The following ASIC2 variants were observed in gnomAD, a reference collection of about 807,000 sequenced individuals.
The protein encoded by ASIC2 is acid-sensing ion channel 2.
A neutral mutation model predicts 57.3 loss-of-function variants in ASIC2; 25 were observed. The observed-to-expected ratio is 0.44, with a 90% CI of 0.32 to 0.61. The LOEUF (loss-of-function observed/expected upper bound fraction) is 0.61. Among genes scored for constraint, ASIC2 ranks in the 20% least tolerant of loss-of-function variants. ASIC2 has a pLI of 0.06. For synonymous variants in ASIC2, 319 were observed against 307.5 expected (o/e 1.04, Z -0.39); for missense variants, 641 against 738.1 (o/e 0.87, Z 1.52).
chr17:33,913,823 C>T lies in ASIC2; in HGVS notation c.555+242155G>A, dbSNP rs78055319. On this transcript the variant is annotated intron_variant, in intron 1 of 9. Coordinates refer to the ASIC2 transcript ENST00000359872. ...TGTTGTAATTGTTGACGATACTTTT[C>T]GTATTTATTGAGCACCTACAATGTG... is the stretch of plus-strand genomic sequence containing the variant. 3.7e-3 allele frequency among the ~76,000 whole-genome samples: 567 copies of T among 152,290 alleles called. 4 individuals carry two copies. The highest frequency in any genetic ancestry group is 0.013 in the African/African-American group (538 of 41,552).
At chr17:33,052,057 A>C (rs1273604824) in intron 3 of ASIC2, 1 of 152,206 alleles carries the variant, frequency 6.6e-6, no homozygotes, top group African/African-American at 2.4e-5. Context: ...GGAGCCACTG[A>C]CTGCTAGAAA....
intron 1 of ASIC2, among the ~76,000 whole-genome samples, chr17:33,855,260 C>G (rs1018346524): frequency 2.0e-5 from 3 of 152,162 alleles, no homozygotes; most frequent in South Asian, 4.1e-4. Context: ...ACTGGAGACC[C>G]TGCTCTGCCC....
intron 1 of ASIC2, among the ~76,000 whole-genome samples, chr17:33,345,153 A>T (rs1316809564): frequency 6.6e-6 from 1 of 152,222 alleles, no homozygotes; most frequent in Non-Finnish European, 1.5e-5. Context: ...ATTCAAATGC[A>T]GTAAGGGGCT....
chr17:33,862,096 A>G (rs982035201), intron 1 of ASIC2, among the ~76,000 whole-genome samples: 2 of 152,208 alleles, frequency 1.3e-5, no homozygotes, highest in African/African-American at 2.4e-5. Context: ...TTCACCCAGT[A>G]TACTGTTCCT....
At chr17:34,125,614 G>A (rs541421128) in intron 1 of ASIC2, among the ~76,000 whole-genome samples, 3 of 152,226 alleles carry the variant, frequency 2.0e-5, no homozygotes, top group Non-Finnish European at 4.4e-5. Flanking sequence ...TCTCTGGGCT[G>A]GAGCACTTCA....
intron 1 of ASIC2, among the ~76,000 whole-genome samples, chr17:33,156,107 T>C (rs1904994112): frequency 6.6e-6 from 1 of 151,320 alleles, no homozygotes; most frequent in African/African-American, 2.4e-5. Flanking sequence ...CAAACTTAGA[T>C]ACACATCAAA....
At chr17:33,840,176 A>T (rs2141907410) in intron 1 of ASIC2, among the ~76,000 whole-genome samples, 1 of 152,346 alleles carries the variant, frequency 6.6e-6, no homozygotes, top group South Asian at 2.1e-4. Context: ...TAGAAATATT[A>T]AAATAAATAT....
chr17:33,935,485 C>G (rs562313234), intron 1 of ASIC2: 3 of 152,254 alleles, frequency 2.0e-5, no homozygotes, highest in African/African-American at 7.2e-5. Flanking sequence ...ATACAACCAG[C>G]AATAGCAATG....
chr17:33,343,866 A>G (rs1168180834), intron 1 of ASIC2, among the ~76,000 whole-genome samples: 1 of 152,212 alleles, frequency 6.6e-6, no homozygotes, highest in Non-Finnish European at 1.5e-5. Flanking sequence ...GAATCCCCAC[A>G]GAAGCCCCTG....
intron 1 of ASIC2, among the ~76,000 whole-genome samples, chr17:33,464,538 TTC>T (rs370895468): frequency 0.26 from 10,347 of 40,022 alleles, 424 homozygotes; most frequent in Middle Eastern, 0.3. Context: ...CTTTCTTTCT[TTC>T]TCTTTCTTTC....
At chr17:33,169,042 G>C (rs967346186) in intron 1 of ASIC2, among the ~76,000 whole-genome samples, 4 of 152,174 alleles carry the variant, frequency 2.6e-5, no homozygotes, top group Non-Finnish European at 4.4e-5. Flanking sequence ...ATGGTTTCAG[G>C]GGATGGGCCA....
At chr17:34,011,275 C>T (rs1906747907) in intron 1 of ASIC2, among the ~76,000 whole-genome samples, 1 of 152,106 alleles carries the variant, frequency 6.6e-6, no homozygotes, top group African/African-American at 2.4e-5. Flanking sequence ...ATACCTTGGC[C>T]CTTTCTGTTT....
chr17:33,726,305 T>G (rs1199038829), intron 1 of ASIC2, among the ~76,000 whole-genome samples: 1 of 152,100 alleles, frequency 6.6e-6, no homozygotes, highest in Non-Finnish European at 1.5e-5. Context: ...CACACCTGTA[T>G]GAGAGATTGG....
intron 1 of ASIC2, among the ~76,000 whole-genome samples, chr17:33,618,347 C>A (rs9916263): frequency 1.3e-5 from 2 of 151,884 alleles, no homozygotes; most frequent in African/African-American, 4.8e-5. Flanking sequence ...AGCCACCACA[C>A]GTGGCTCAAT....
At chr17:34,042,029 G>A (rs541994721) in intron 1 of ASIC2, among the ~76,000 whole-genome samples, 4 of 152,282 alleles carry the variant, frequency 2.6e-5, no homozygotes, top group East Asian at 1.9e-4. Flanking sequence ...AAACTCACAC[G>A]AAGATTCCAC....
chr17:33,797,822 C>A (rs1427827615), intron 1 of ASIC2, among the ~76,000 whole-genome samples: 3 of 152,170 alleles, frequency 2.0e-5, no homozygotes, highest in African/African-American at 7.2e-5. Context: ...GTGCTTGCAG[C>A]AGGGAAGGAG....
In ASIC2 at chr17:33,668,287, T is replaced by C. The variant is rs867435773; in HGVS notation, c.555+487691A>G. 1.2e-3 allele frequency among the ~76,000 whole-genome samples: 152 copies of C among 127,152 alleles called. 1 individual carries two copies. Among genetic ancestry groups the C allele is most frequent in the East Asian group, 2.4e-3 (9 of 3,730 alleles). 83.4% of individuals were successfully genotyped at this position (127,152 alleles called of 152,430 possible). On this transcript the variant is annotated intron_variant, in intron 1 of 9. Coordinates refer to the ASIC2 transcript ENST00000359872. ...ATCAAATGTTCTTTTTTTTTTTTTT[T>C]TTTTTTTTTTTTGCAGCCAGTATAA...
rs145125499 is a variant in ASIC2, at chr17:33,321,908, T to A, written c.556-209841A>T. Among the ~76,000 whole-genome samples the A allele has an allele frequency of 3.4e-3, 517 of 152,332 alleles. 3 individuals carry two copies. Among genetic ancestry groups the A allele is most frequent in the Non-Finnish European group, 4.9e-3 (332 of 68,020 alleles). ...GGCAGGCTGGTTTGGACCAGACATT[T>A]CACAGCATTAGAAGTTAAACTGTAG... On this transcript the variant is annotated intron_variant, in intron 1 of 9. Transcript: ENST00000359872.
At chr17:33,447,211 T>C (rs1912057820) in intron 1 of ASIC2, among the ~76,000 whole-genome samples, 1 of 152,042 alleles carries the variant, frequency 6.6e-6, no homozygotes, top group Non-Finnish European at 1.5e-5. Flanking sequence ...AATTGAACGG[T>C]AGTGGGGGTT....
Sources: gnomAD v4.1 joint callset for allele counts (sites outside exome capture counted in the v4.1 genomes callset) on GRCh38, gnomAD v4.1.1 for gene constraint, MANE v1.5 for transcripts, NCBI Gene and HGNC (gene_info 2026-07-23, HGNC 2026-07-21) for gene names.